The following ARID3A variants were observed in gnomAD, a reference collection of about 807,000 sequenced individuals.
The protein encoded by ARID3A is AT-rich interaction domain 3A.
In ARID3A, 11 loss-of-function variants were observed where a neutral mutation model predicts 52.7. The observed-to-expected ratio is 0.21, with a 90% CI of 0.13 to 0.35. The LOEUF (loss-of-function observed/expected upper bound fraction) is 0.35, where lower values mean the gene tolerates loss of function less well. Among genes scored for constraint, ARID3A ranks in the 10% least tolerant of loss-of-function variants. The pLI, the probability that ARID3A is intolerant of heterozygous loss-of-function variation, is 1.00. For missense variants in ARID3A, 721 were observed against 838.5 expected (o/e 0.86, Z 1.73); for synonymous variants, 404 against 359.4 (o/e 1.12, Z -1.40).
intron 8 of ARID3A, among the ~76,000 whole-genome samples, chr19:971,199 G>A (rs2038270698): frequency 6.6e-6 from 1 of 152,222 alleles, no homozygotes; most frequent in Admixed American, 6.5e-5. Flanking sequence ...GTTTAAGCTG[G>A]GCTCACGTCT....
At chr19:935,399 C>T (rs2037418636) in intron 3 of ARID3A, among the ~76,000 whole-genome samples, 1 of 152,162 alleles carries the variant, frequency 6.6e-6, no homozygotes. Flanking sequence ...CTCCTGATGT[C>T]TGACGTAGCC....
Position 975,425 on chromosome 19 carries a change from C to T in ARID3A, c.*3360C>T. The T allele has an allele frequency of 4.3e-6, 1 of 231,284 alleles. No individual in the cohort carries two copies. 14.3% of individuals were successfully genotyped at this position (231,284 alleles called of 1,614,324 possible). ...GCATCTGTACAGTTGAATTTCCTTT[C>T]TCTTATCATGTTTTACCCACCTTGT... On this transcript the variant is annotated 3_prime_UTR_variant, in exon 9 of 9. Coordinates refer to ENST00000263620, the MANE Select transcript of ARID3A (RefSeq NM_005224.3).
intron 2 of ARID3A, among the ~76,000 whole-genome samples, chr19:931,893 G>A (rs944702900): frequency 3.9e-5 from 6 of 152,088 alleles, no homozygotes; most frequent in East Asian, 1.9e-4. Context: ...AGGGTGGGGC[G>A]GATTTCAGAT....
intron 3 of ARID3A, among the ~76,000 whole-genome samples, chr19:935,086 C>T (rs1302678279): frequency 6.6e-6 from 1 of 152,212 alleles, no homozygotes; most frequent in African/African-American, 2.4e-5. Context: ...GGCGCCTGCC[C>T]CACCCCCTTC....
In ARID3A at chr19:975,502, C is replaced by T. The variant is rs745591743; in HGVS notation, c.*3437C>T. On this transcript the variant is annotated 3_prime_UTR_variant, in exon 9 of 9. Coordinates refer to ENST00000263620, the MANE Select transcript of ARID3A (RefSeq NM_005224.3). ...CATTTTTTTCCTTGGCAAATGTAAA[C>T]TCAGCCTTTCATTCATGACGTGTGA... is the stretch of plus-strand genomic sequence containing the variant. 2 of 223,298 alleles carry T rather than the reference C, an allele frequency of 9.0e-6. No homozygotes were observed. The highest frequency in any genetic ancestry group is 1.3e-4 in the East Asian group (2 of 15,606). 13.8% of individuals were successfully genotyped at this position (223,298 alleles called of 1,614,324 possible). A position where few individuals can be genotyped will look rare whatever the true frequency, so the allele number is the denominator to read the frequency against.
rs1386566829 is a variant in ARID3A at position 941,368 on chromosome 19, G to C, written c.693+8626G>C. Among the ~76,000 whole-genome samples the C allele has an allele frequency of 2.0e-5, 3 of 152,324 alleles. No individual in the cohort carries two copies. The highest frequency in any genetic ancestry group is 7.2e-5 in the African/African-American group (3 of 41,580). On this transcript the variant is annotated intron_variant, in intron 3 of 8. Transcript: ENST00000263620. The surrounding 1 kb of genome is among the most constrained non-coding windows in gnomAD (Gnocchi z 6.9). The stretch of plus-strand genomic sequence containing the variant: ...GGACCCTCCAAGGCCTCTGCCCACC[G>C]GGCACCTGCTGGATTCTGTGGGTCT...
At chr19:961,789 G>T (rs906492408) in intron 4 of ARID3A, 7 of 152,252 alleles carry the variant, frequency 4.6e-5, no homozygotes, top group Non-Finnish European at 2.9e-5. Flanking sequence ...CGTGGTGGCA[G>T]GCGCCTGTAA....
intron 3 of ARID3A, among the ~76,000 whole-genome samples, chr19:949,214 T>C (rs1470649996): frequency 6.6e-6 from 1 of 152,120 alleles, no homozygotes; most frequent in Non-Finnish European, 1.5e-5. Flanking sequence ...GGGGAGGCAG[T>C]GCTGGGTCCC....
chr19:936,232 C>T (rs1040546573), intron 3 of ARID3A, among the ~76,000 whole-genome samples: 4 of 152,254 alleles, frequency 2.6e-5, no homozygotes, highest in African/African-American at 9.6e-5. Flanking sequence ...GGCTATACTT[C>T]ATATGCCATA....
intron 3 of ARID3A, among the ~76,000 whole-genome samples, chr19:933,857 G>GT (rs1555726143): frequency 1.1e-4 from 13 of 114,716 alleles, no homozygotes; most frequent in Non-Finnish European, 2.4e-4. Flanking sequence ...GGGGGGGGGG[G>GT]GCGTCTCGCT....
At chr19:951,452 G>A (rs2145417002) in intron 3 of ARID3A, among the ~76,000 whole-genome samples, 1 of 152,188 alleles carries the variant, frequency 6.6e-6, no homozygotes, top group East Asian at 2.0e-4. Flanking sequence ...ACCTAATCGG[G>A]AGGCTGAGGT....
At position 932,819 on chromosome 19, in the gene ARID3A, A is replaced by T. The variant is rs2037361990; in HGVS notation, c.693+77A>T. The T allele has an allele frequency of 4.6e-6, 7 of 1,537,482 alleles. No individual in the cohort carries two copies. In the South Asian group the frequency reaches 8.4e-5, roughly 18 times the overall value. On this transcript the variant is annotated intron_variant, in intron 3 of 8. Coordinates refer to ENST00000263620, the MANE Select transcript of ARID3A (RefSeq NM_005224.3). ...GGGGCCCTTTGAAGGCCCACGTTGC[A>T]CGGGGTGTGTGCTGAGCCGGGCGTC...
chr19:930,412 C>G (rs564915035), intron 2 of ARID3A, among the ~76,000 whole-genome samples: 1 of 144,640 alleles, frequency 6.9e-6, no homozygotes, highest in African/African-American at 2.6e-5. Flanking sequence ...ATTAGCCAGG[C>G]GTGGTGGCAG....
intron 3 of ARID3A, among the ~76,000 whole-genome samples, chr19:935,798 A>G (rs1018937645): frequency 1.3e-5 from 2 of 148,958 alleles, no homozygotes; most frequent in African/African-American, 5.0e-5. Context: ...ATATTTGTTT[A>G]TTTATTTTTT....
At chr19:928,618 CTGGTGCCCCCTTCTCTGACACCTGT>C (rs1486115237) in intron 1 of ARID3A, 1 of 152,252 alleles carries the variant, frequency 6.6e-6, no homozygotes, top group Non-Finnish European at 1.5e-5. Context: ...TGGGACCGCC[CTGGTGCCCCCTTCTCTGACACCTGT>C]TGGTGCCCAC....
In ARID3A at chr19:932,711, G is replaced by A. The variant is rs757767143; in HGVS notation, c.662G>A (p.Gly221Asp). Residue 221 changes from glycine (G) to aspartate (D), a missense_variant, in exon 3 of 9, where the codon GGC becomes GAC. Gly to Asp is a moderately conservative substitution (Grantham distance 94). This residue lies in a region of ARID3A where 27 missense variants were observed against 35.7 expected (regional missense o/e 0.76). Transcript: ENST00000263620. ...CCGCAGCTGCAGCCGCCTGACCACG[G>A]CGACTGGACTTACGAGGAGCAGTTT... Reference protein sequence around the residue: ...VAPQLQPPDHGDWTYEEQFKQ... With the variant: ...VAPQLQPPDHDDWTYEEQFKQ... The A allele has an allele frequency of 6.5e-6, 10 of 1,547,188 alleles. No homozygotes were observed. The East Asian group carries it at 7.3e-5, about 11-fold the overall frequency.
At chr19:956,252 C>G (rs968551384) in intron 3 of ARID3A, among the ~76,000 whole-genome samples, 1 of 152,026 alleles carries the variant, frequency 6.6e-6, no homozygotes, top group Non-Finnish European at 1.5e-5. Context: ...TCCTGTCCCC[C>G]TCTCCGCCCT....
chr19:932,873 GCTGTGCTTC>G, intron 3 of ARID3A, 131 bp downstream of exon 3: 9 of 1,477,260 alleles, frequency 6.1e-6, no homozygotes, highest in Non-Finnish European at 6.2e-6. Context: ...TCCTGCGGTA[GCTGTGCTTC>G]CTGTGCTTCC....
At chr19:955,856 C>T (rs910115634) in intron 3 of ARID3A, among the ~76,000 whole-genome samples, 3 of 152,142 alleles carry the variant, frequency 2.0e-5, no homozygotes, top group Non-Finnish European at 4.4e-5. Context: ...GACCTCAAAC[C>T]GCGGGCGTAA....
Sources: gnomAD v4.1 joint callset for allele counts (sites outside exome capture counted in the v4.1 genomes callset) on GRCh38, gnomAD v4.1.1 for gene constraint, gnomAD v4.1.1 regional missense constraint, Gnocchi (gnomAD v3.1) non-coding constraint, MANE v1.5 for transcripts, NCBI Gene and HGNC (gene_info 2026-07-23, HGNC 2026-07-21) for gene names.